The following TRIM29 variants were observed in gnomAD, a reference collection of about 807,000 sequenced individuals.
The protein encoded by TRIM29 is tripartite motif-containing protein 29.
Under a neutral mutation model 57.3 loss-of-function variants are expected in TRIM29, and 52 were observed. The observed-to-expected ratio is 0.91, with a 90% CI of 0.73 to 1.14. The LOEUF is 1.14. Ranked by LOEUF, TRIM29 falls within the 50% of genes most tolerant of loss-of-function variation. TRIM29 has a pLI of 0.00. For missense variants in TRIM29, 753 were observed against 774.6 expected, an observed-to-expected ratio of 0.97 and a Z score of 0.33; for synonymous variants, 319 against 316.9, an observed-to-expected ratio of 1.01 and a Z score of -0.07.
At position 120,122,976 on chromosome 11, in the gene TRIM29, G is replaced by A. The variant is rs776029925; in HGVS notation, c.1413C>T (p.Tyr471=). The change falls in exon 5 of 9, where the codon TAC becomes TAT. Residue 471 remains tyrosine (Y), a synonymous_variant. Coordinates refer to ENST00000341846, the MANE Select transcript of TRIM29 (RefSeq NM_012101.4). ...TACCTTTGGGTGTCAGGTACATGGA[G>A]TATCTCTTCATGGTGTCCGGTGCAC... The part of the protein sequence containing the change: ...EWSAPDTMKR[Y]SMYLTPKGGV... The A allele has an allele frequency of 6.5e-5, 105 of 1,613,960 alleles. No individual in the cohort carries two copies. Among genetic ancestry groups the A allele is most frequent in the Non-Finnish European group, 8.0e-5 (94 of 1,179,992 alleles).
chr11:120,136,855 GAAGA>G (rs1335882980), intron 1 of TRIM29, among the ~76,000 whole-genome samples: 1 of 152,048 alleles, frequency 6.6e-6, no homozygotes, highest in African/African-American at 2.4e-5. Context: ...AGGAGAAGAA[GAAGA>G]AAGAAACACC....
chr11:120,117,521 G>A (rs1049574690), intron 7 of TRIM29: 1 of 154,006 alleles, frequency 6.5e-6, no homozygotes, highest in African/African-American at 2.4e-5. Context: ...AGATGTTTGG[G>A]GTGCCAGAAG....
chr11:120,116,972 A>G (rs1238747023), intron 7 of TRIM29: 1 of 424,168 alleles, frequency 2.4e-6, no homozygotes, highest in Non-Finnish European at 4.7e-6. Flanking sequence ...GATTATTTTT[A>G]GACAGCCCAC....
In TRIM29 at chr11:120,137,131, C is replaced by A; in HGVS notation, c.804+97G>T. 1 of 1,382,728 alleles carries A rather than the reference C, an allele frequency of 7.2e-7. No individual in the cohort carries two copies. Among genetic ancestry groups the A allele is most frequent in the Non-Finnish European group, 9.9e-7 (1 of 1,005,918 alleles). The allele number at this position is 1,382,728 out of a possible 1,614,324, so 85.7% of individuals were successfully genotyped here. A position where few individuals can be genotyped will look rare whatever the true frequency, so the allele number is the denominator to read the frequency against. On this transcript the variant is annotated intron_variant, in intron 1 of 8. Transcript: ENST00000341846. The surrounding 1 kb of genome is among the most constrained non-coding windows in gnomAD (Gnocchi z 6.2). ...AGCCAAGGACAGTAGAAACTTAAGC[C>A]CCAAACCCGAGGAAGCCCGAGTGGA...
intron 8 of TRIM29, among the ~76,000 whole-genome samples, chr11:120,114,767 C>T (rs12807982): frequency 2.0e-5 from 3 of 152,136 alleles, no homozygotes; most frequent in Middle Eastern, 3.4e-3. Context: ...AGGACCCCAC[C>T]GTCAGCAGGT....
intron 1 of TRIM29, among the ~76,000 whole-genome samples, chr11:120,130,539 A>G (rs1397626581): frequency 2.0e-5 from 3 of 152,230 alleles, no homozygotes. Flanking sequence ...AGCACAGGAC[A>G]GCAGGTGCCT....
rs1414195609 is a variant in TRIM29, at chr11:120,112,343, C to T, written c.*71G>A. The T allele has an allele frequency of 1.9e-6, 3 of 1,585,370 alleles. No homozygotes were observed. In the African/African-American group the frequency reaches 4.0e-5, roughly 21 times the overall value. ...CCTCCCACCCAGACAAGCACAGTAG[C>T]TTAGAAGGCAAGAGCAGCAGGGTCA... On this transcript the variant is annotated 3_prime_UTR_variant, in exon 9 of 9. Transcript: ENST00000341846.
chr11:120,112,629 C>T (rs1591315106), intron 8 of TRIM29, among the ~76,000 whole-genome samples, 153 bp from the exon 9 acceptor site: 1 of 152,094 alleles, frequency 6.6e-6, no homozygotes, highest in South Asian at 2.1e-4. Context: ...GATTTACCTA[C>T]CCTGTGATCA....
In TRIM29 at chr11:120,127,533, T is replaced by G. The variant is rs747493840; in HGVS notation, c.937A>C (p.Asn313His). The change falls in exon 3 of 9, where the codon AAC (asparagine) becomes CAC (histidine). Residue 313 changes from asparagine (N) to histidine (H), a missense_variant. Physicochemically the swap from Asn to His is moderately conservative, Grantham distance 68 (BLOSUM62 1). Transcript: ENST00000341846. ...AGGTCCCGCACCAGGTCCCGGAAGT[T>G]CTGCTCCAGGATGGCCTTCTCATTG... ...TTNEKAILEQ[N>H]FRDLVRDLEK... 3 of 1,614,178 alleles carry G rather than the reference T, an allele frequency of 1.9e-6. No individual in the cohort carries two copies. The South Asian group carries it at 3.3e-5, about 18-fold the overall frequency.
chr11:120,128,875 CCAGCCCAGCT>C lies in TRIM29; in HGVS notation c.805-390_805-381del, dbSNP rs544599643. 1.7e-4 allele frequency: 244 copies of C among 1,474,688 alleles called. 3 individuals are homozygous for C. In the South Asian group the frequency reaches 3.2e-3, roughly 19 times the overall value. 91.4% of individuals were successfully genotyped at this position (1,474,688 alleles called of 1,614,324 possible). On this transcript the variant is annotated intron_variant, in intron 1 of 8. Transcript: ENST00000341846. ...CAATGGGAAGAGAAAGGAAGGGGATCCAGCCCAGCTCAGCCCAGCCCAGCCCAGGGAGTGT... is the reference window on the plus strand; with the variant it reads ...CAATGGGAAGAGAAAGGAAGGGGATCCAGCCCAGCCCAGCCCAGGGAGTGT...
At chr11:120,120,290 C>T (rs575099159) in intron 6 of TRIM29, among the ~76,000 whole-genome samples, 25 of 151,220 alleles carry the variant, frequency 1.7e-4, no homozygotes, top group Admixed American at 2.6e-4. Context: ...CCAGGGATGC[C>T]GAGATTCCTG....
At chr11:120,120,979 G>A in intron 5 of TRIM29, 1 of 426,078 alleles carries the variant, frequency 2.3e-6, no homozygotes. Flanking sequence ...TAATGAGCCA[G>A]AAACACCTCC....
rs1425175164 is a variant in TRIM29 at position 120,137,256 on chromosome 11, G to T, written c.776C>A (p.Thr259Lys). 4.3e-6 allele frequency: 7 copies of T among 1,614,192 alleles called. No homozygotes were observed. The highest frequency in any genetic ancestry group is 5.9e-6 in the Non-Finnish European group (7 of 1,180,044). The change falls in exon 1 of 9, where the codon ACA becomes AAA. Residue 259 changes from threonine to lysine, a missense_variant. By Grantham distance (78) the Thr-to-Lys change is moderately conservative. Transcript: ENST00000341846. This position sits in a 1 kb window ranked among gnomAD's most constrained non-coding sequence, Gnocchi z 6.2. ...CTTCTCGGCCTTGGCCTCCTCCACT[G>T]TCACGGTGCTATGATTCTTGTGCTC... Reference protein sequence around the residue: ...FQEHKNHSTVTVEEAKAEKET... With the variant: ...FQEHKNHSTVKVEEAKAEKET...
chr11:120,118,151 G>C (rs1453827879), intron 7 of TRIM29, 72 bp downstream of exon 7: 1 of 1,380,864 alleles, frequency 7.2e-7, no homozygotes, highest in Admixed American at 1.8e-5. Context: ...GCTCAGCGAA[G>C]AGACCCAAGC....
chr11:120,116,975 C>T (rs983504863), intron 7 of TRIM29: 3 of 426,506 alleles, frequency 7.0e-6, no homozygotes, highest in Non-Finnish European at 1.4e-5. Flanking sequence ...TATTTTTAGA[C>T]AGCCCACTGC....
intron 7 of TRIM29, chr11:120,116,812 C>T: frequency 4.3e-6 from 1 of 232,332 alleles, no homozygotes; most frequent in Non-Finnish European, 8.7e-6. Flanking sequence ...AGAGAGTATG[C>T]TGGGGTGGCA....
chr11:120,128,965 C>T, intron 1 of TRIM29: 4 of 1,302,138 alleles, frequency 3.1e-6, no homozygotes, highest in East Asian at 3.5e-5. Flanking sequence ...GGCTGTGTTG[C>T]AAGCAGCAGC....
In TRIM29 at chr11:120,112,250, C is replaced by G. The variant is rs1014744126; in HGVS notation, c.*164G>C. ...AATGGAGTGTGGCCAGTGGGGAAGT[C>G]GGAGAGGCCGGAACTGCCCCCAAGA... On this transcript the variant is annotated 3_prime_UTR_variant, in exon 9 of 9. Coordinates refer to ENST00000341846, the MANE Select transcript of TRIM29 (RefSeq NM_012101.4). 7 of 678,740 alleles carry G rather than the reference C, an allele frequency of 1.0e-5. No homozygotes were observed. Among genetic ancestry groups the G allele is most frequent in the Non-Finnish European group, 1.2e-5 (5 of 408,146 alleles). 42.0% of individuals were successfully genotyped at this position (678,740 alleles called of 1,614,324 possible). A position where few individuals can be genotyped will look rare whatever the true frequency, so the allele number is the denominator to read the frequency against.
In TRIM29 at chr11:120,127,379, C is replaced by T. The variant is rs760970477; in HGVS notation, c.1091G>A (p.Arg364Gln). 8.1e-6 allele frequency: 13 copies of T among 1,613,978 alleles called. No individual in the cohort carries two copies. In the Admixed American group the frequency reaches 1.3e-4, roughly 17 times the overall value. Reference protein sequence around the residue: ...AKVLHEDKQTREQLHSISDSV... With the variant: ...AKVLHEDKQTQEQLHSISDSV... ...GTCGCTGATGCTATGCAGCTGCTCC[C>T]GGGTCTGCTTGTCCTCATGCAGCAC... The change falls in exon 3 of 9, where the codon CGG becomes CAG. Residue 364 changes from arginine to glutamine, a missense_variant. Arg to Gln is a conservative substitution (Grantham distance 43). Coordinates refer to ENST00000341846, the MANE Select transcript of TRIM29 (RefSeq NM_012101.4).
Sources: allele counts gnomAD v4.1 joint callset (sites outside exome capture counted in the v4.1 genomes callset), GRCh38; gene constraint gnomAD v4.1.1; non-coding constraint Gnocchi (gnomAD v3.1); transcripts MANE v1.5; gene names NCBI Gene and HGNC (gene_info 2026-07-23, HGNC 2026-07-21).